ARID2: variants seen among roughly 807,000 people sequenced by gnomAD.
The protein encoded by ARID2 is AT-rich interactive domain-containing protein 2.
ARID2 carries 32 observed loss-of-function variants against 184.6 expected under a neutral mutation model. The ratio of observed to expected loss-of-function variants is 0.17; its 90% confidence interval spans 0.13 to 0.23. ARID2 has a LOEUF of 0.23. Ranked by LOEUF, ARID2 falls within the 10% of genes least tolerant of loss-of-function variation. The pLI, the probability that ARID2 is intolerant of heterozygous loss-of-function variation, is 1.00. For missense variants in ARID2, 1,696 were observed against 2,197.6 expected (o/e 0.77, Z 4.56); for synonymous variants, 836 against 772.6 (o/e 1.08, Z -1.36).
At chr12:45,857,504 A>G (rs1943671289) in intron 15 of ARID2, among the ~76,000 whole-genome samples, 1 of 152,178 alleles carries the variant, frequency 6.6e-6, no homozygotes, top group South Asian at 2.1e-4. Flanking sequence ...GTTCTTATAA[A>G]GTAGTGTTGG....
At chr12:45,835,389 C>A (rs1943199627) in intron 6 of ARID2, among the ~76,000 whole-genome samples, 1 of 151,694 alleles carries the variant, frequency 6.6e-6, no homozygotes, top group Non-Finnish European at 1.5e-5. Context: ...TTATTGCTAC[C>A]AAACATTGTT....
intron 11 of ARID2, chr12:45,840,573 C>G (rs1224639945): frequency 6.6e-6 from 1 of 152,140 alleles, no homozygotes; most frequent in Non-Finnish European, 1.5e-5. Flanking sequence ...TATCCTCCCT[C>G]GCTAGCCCCA....
At position 45,817,770 on chromosome 12, in the gene ARID2, G is replaced by A. The variant is rs774797224; in HGVS notation, c.519G>A (p.Val173=). The change falls in exon 5 of 21, where the codon GTG becomes GTA. Residue 173 remains valine (V), a synonymous_variant. Coordinates refer to ENST00000334344, the MANE Select transcript of ARID2 (RefSeq NM_152641.4). ...TGTTATCTGGACTCCCAAATGAAGT[G>A]GACTTTGCTATTAACGTATGCACTC... ...LSLLSGLPNE[V]DFAINVCTLL... is the part of the protein sequence containing the mutation. The A allele has an allele frequency of 1.2e-6, 2 of 1,613,002 alleles. No homozygotes were observed. The highest frequency in any genetic ancestry group is 2.2e-5 in the East Asian group (1 of 44,822).
At chr12:45,904,860 A>C in intron 20 of ARID2, 74 bp from the exon 21 acceptor site, 1 of 1,535,364 alleles carries the variant, frequency 6.5e-7, no homozygotes, top group Admixed American at 1.9e-5. Flanking sequence ...TAGTTTTTAA[A>C]CTTGCAAAAT....
chr12:45,784,490 C>A (rs1370057426), intron 3 of ARID2, among the ~76,000 whole-genome samples: 1 of 152,000 alleles, frequency 6.6e-6, no homozygotes, highest in Non-Finnish European at 1.5e-5. Context: ...GTGGCCTGGG[C>A]AATGTGGTGA....
At chr12:45,873,857 G>A (rs137865990) in intron 16 of ARID2, among the ~76,000 whole-genome samples, 94 of 152,276 alleles carry the variant, frequency 6.2e-4, no homozygotes, top group African/African-American at 2.1e-3. Context: ...GATATTGATG[G>A]CTGCTGACTG....
rs2138171017 is a variant in ARID2 at position 45,851,439 on chromosome 12, G to C, written c.3316G>C (p.Ala1106Pro). ...QVVYQVASNQ[A>P]AGFGVQGQTP... ...GGTCTATCAGGTGGCCAGTAACCAA[G>C]CCGCAGGTTTTGGAGTGCAGGGGCA... The change falls in exon 15 of 21, where the codon GCC becomes CCC. Residue 1106 changes from alanine (A) to proline (P), a missense_variant. Around this residue, in one of 11 missense-constraint regions of ARID2, gnomAD observed 713 missense variants for 824.4 expected, o/e 0.86. Coordinates refer to ENST00000334344, the MANE Select transcript of ARID2 (RefSeq NM_152641.4). 6.2e-7 allele frequency: 1 copy of C among 1,614,158 alleles called. No homozygotes were observed. Among genetic ancestry groups the C allele is most frequent in the Non-Finnish European group, 8.5e-7 (1 of 1,180,002 alleles).
At chr12:45,833,303 A>G (rs1449959741) in intron 6 of ARID2, among the ~76,000 whole-genome samples, 1 of 152,094 alleles carries the variant, frequency 6.6e-6, no homozygotes, top group Non-Finnish European at 1.5e-5. Flanking sequence ...TCTGTATTAC[A>G]TTTTCCAGCT....
At chr12:45,874,134 A>T (rs1351061040) in intron 16 of ARID2, 1 of 152,276 alleles carries the variant, frequency 6.6e-6, no homozygotes, top group Non-Finnish European at 1.5e-5. Context: ...CACTACACTG[A>T]CTGGTTGTCT....
At chr12:45,904,179 C>T (rs1398482256) in intron 20 of ARID2, among the ~76,000 whole-genome samples, 1 of 152,044 alleles carries the variant, frequency 6.6e-6, no homozygotes, top group Non-Finnish European at 1.5e-5. Context: ...GCTAATGGGG[C>T]ATTTAGGATA....
intron 11 of ARID2, among the ~76,000 whole-genome samples, chr12:45,845,229 G>A (rs247930): frequency 0.61 from 93,293 of 151,976 alleles, 30,693 homozygotes; most frequent in African/African-American, 0.87. Context: ...AGTAGGGTAT[G>A]CTCTTTCATA....
rs78001560 is a variant in ARID2 at position 45,801,370 on chromosome 12, G to A, written c.285-10048G>A. On this transcript the variant is annotated intron_variant, in intron 3 of 20. Transcript: ENST00000334344. ...AAATTACTTTCACAGTGACTTAGTC[G>A]AGAATCAATGGATGCTAAAACTAGC... 4.6e-3 allele frequency among the ~76,000 whole-genome samples: 705 copies of A among 151,768 alleles called. 36 individuals are homozygous for A. In the East Asian group the frequency reaches 0.1, roughly 22 times the overall value.
chr12:45,815,274 C>T (rs562972528), intron 4 of ARID2, among the ~76,000 whole-genome samples: 1 of 152,256 alleles, frequency 6.6e-6, no homozygotes, highest in South Asian at 2.1e-4. Context: ...AAATCTGCTC[C>T]TATATTCATA....
Position 45,729,896 on chromosome 12 carries a change from G to A in ARID2, c.60G>A (p.Leu20=). 6.2e-7 allele frequency: 1 copy of A among 1,611,208 alleles called. No homozygotes were observed. Among genetic ancestry groups the A allele is most frequent in the Non-Finnish European group, 8.5e-7 (1 of 1,178,954 alleles). Reference sequence around the variant, plus strand: ...AGCGGAGAAAGGGACTCGCTTTCCTGGACGAGCTGCGGCAGTTCCACCACA... The same window carrying A: ...AGCGGAGAAAGGGACTCGCTTTCCTAGACGAGCTGCGGCAGTTCCACCACA... ...PDERRKGLAF[L]DELRQFHHSR... The change falls in exon 1 of 21, where the codon CTG becomes CTA. Residue 20 remains leucine, a synonymous_variant. Transcript: ENST00000334344.
chr12:45,787,451 T>G (rs1414985586), intron 3 of ARID2, among the ~76,000 whole-genome samples: 1 of 151,876 alleles, frequency 6.6e-6, no homozygotes, highest in African/African-American at 2.4e-5. Context: ...CCCAGGCTGG[T>G]CTCGAACTCC....
intron 3 of ARID2, among the ~76,000 whole-genome samples, chr12:45,804,094 A>T (rs1215473880): frequency 6.6e-6 from 1 of 152,164 alleles, no homozygotes; most frequent in Non-Finnish European, 1.5e-5. Context: ...CCCACTTTGA[A>T]GGACATTTCT....
In ARID2 at chr12:45,850,357, A is replaced by C. The variant is rs749598125; in HGVS notation, c.2234A>C (p.Gln745Pro). 2.5e-6 allele frequency: 4 copies of C among 1,614,004 alleles called. No homozygotes were observed. Among genetic ancestry groups the C allele is most frequent in the Non-Finnish European group, 3.4e-6 (4 of 1,180,004 alleles). The change falls in exon 15 of 21, where the codon CAG becomes CCG. Residue 745 changes from glutamine (Q) to proline (P), a missense_variant. By Grantham distance (76) the Gln-to-Pro change is moderately conservative (BLOSUM62 -1). Coordinates refer to ENST00000334344, the MANE Select transcript of ARID2 (RefSeq NM_152641.4). ...GGACCTCCACAGAGTTCTGTTGTTC[A>C]GAATCATAGTACAGGGCCACAACCT... ...GGGPPQSSVV[Q>P]NHSTGPQPVT... is the part of the protein sequence containing the mutation.
At chr12:45,771,457 G>A (rs577768863) in intron 3 of ARID2, among the ~76,000 whole-genome samples, 14 of 151,210 alleles carry the variant, frequency 9.3e-5, no homozygotes, top group Admixed American at 2.6e-4. Flanking sequence ...CAGAGGCCAG[G>A]AGTTTGAGAG....
At chr12:45,889,147 A>AC (rs1326129321) in intron 16 of ARID2, among the ~76,000 whole-genome samples, 2 of 152,154 alleles carry the variant, frequency 1.3e-5, no homozygotes, top group Non-Finnish European at 2.9e-5. Context: ...GTGCCCCTGC[A>AC]CTCCAGCCTG....
Sources: allele counts gnomAD v4.1 joint callset (sites outside exome capture counted in the v4.1 genomes callset), GRCh38; gene constraint gnomAD v4.1.1; regional missense constraint gnomAD v4.1.1; transcripts MANE v1.5; gene names NCBI Gene and HGNC (gene_info 2026-07-23, HGNC 2026-07-21).